CNOT2: variants seen among roughly 807,000 people sequenced by gnomAD.
The protein encoded by CNOT2 is CCR4-NOT transcription complex subunit 2, also known as CC chemokine receptor 4-negative regulator of transcription 2.
CNOT2 carries 7 observed loss-of-function variants against 72.1 expected under a neutral mutation model. The observed-to-expected ratio is 0.10, with a 90% CI of 0.06 to 0.18. The LOEUF (loss-of-function observed/expected upper bound fraction) is 0.18. CNOT2 is among the 10% of genes least tolerant of loss of function. The probability of loss-of-function intolerance (pLI) is 1.00; values close to 1 mark genes in which losing one functional copy is unlikely to be tolerated. For synonymous variants in CNOT2, 196 were observed against 225.6 expected (o/e 0.87, Z 1.17); for missense variants, 345 against 660.3 (o/e 0.52, Z 5.23).
intron 2 of CNOT2, among the ~76,000 whole-genome samples, chr12:70,304,758 C>T (rs1874894501): frequency 6.6e-6 from 1 of 152,258 alleles, no homozygotes; most frequent in East Asian, 1.9e-4. Flanking sequence ...TTTGTCTGTG[C>T]CCTGCCCCCA....
Position 70,346,110 on chromosome 12 carries a change from A to G in CNOT2, c.1392-70A>G, listed in dbSNP as rs56194123. ...TTTTTTTTTTCCGGAGGAAAGCTTT[A>G]CAAAATGTAGAACATGTTTGATGTA... On this transcript the variant is annotated intron_variant, in intron 14 of 15. Coordinates refer to ENST00000229195, the MANE Select transcript of CNOT2 (RefSeq NM_014515.7). 5.8e-3 allele frequency: 6,034 copies of G among 1,037,530 alleles called. 217 individuals are homozygous for G. In the African/African-American group the frequency reaches 0.084, roughly 14 times the overall value. 64.3% of individuals were successfully genotyped at this position (1,037,530 alleles called of 1,614,324 possible). A position where few individuals can be genotyped will look rare whatever the true frequency, so the allele number is the denominator to read the frequency against.
At chr12:70,334,084 ATTAAC>A (rs1880334687) in intron 7 of CNOT2, among the ~76,000 whole-genome samples, 1 of 151,992 alleles carries the variant, frequency 6.6e-6, no homozygotes, top group Non-Finnish European at 1.5e-5. Context: ...TTGGGGGTTT[ATTAAC>A]TTTATTAGGT....
chr12:70,264,824 A>T (rs1958943764), intron 1 of CNOT2, among the ~76,000 whole-genome samples: 2 of 152,142 alleles, frequency 1.3e-5, no homozygotes, highest in African/African-American at 4.8e-5. Flanking sequence ...TTCTATTGAG[A>T]TTTAGTAGAT....
intron 1 of CNOT2, among the ~76,000 whole-genome samples, chr12:70,267,595 C>G (rs953086839): frequency 1.3e-5 from 2 of 152,226 alleles, no homozygotes; most frequent in African/African-American, 4.8e-5. Flanking sequence ...CACTGCACTG[C>G]ACTTATATCA....
chr12:70,278,978 T>C (rs928857235), intron 2 of CNOT2, among the ~76,000 whole-genome samples: 8 of 152,212 alleles, frequency 5.3e-5, no homozygotes, highest in African/African-American at 1.7e-4. Flanking sequence ...AAAGGAAATA[T>C]CCTTTATTCA....
intron 1 of CNOT2, among the ~76,000 whole-genome samples, chr12:70,262,439 A>C (rs1037510873): frequency 6.6e-6 from 1 of 151,778 alleles, no homozygotes; most frequent in African/African-American, 2.4e-5. Context: ...ACACCCGGTC[A>C]ATTTTTTTGT....
intron 1 of CNOT2, among the ~76,000 whole-genome samples, chr12:70,258,788 G>A (rs1958585329): frequency 6.6e-6 from 1 of 152,222 alleles, no homozygotes; most frequent in Admixed American, 6.5e-5. Context: ...AGCCTGTGGT[G>A]AGGGAGCAAT....
chr12:70,251,984 TTA>T (rs1958161434), intron 1 of CNOT2, among the ~76,000 whole-genome samples: 1 of 152,188 alleles, frequency 6.6e-6, no homozygotes, highest in Non-Finnish European at 1.5e-5. Context: ...GTGCTGATAT[TTA>T]TGTTATGTTA....
chr12:70,288,034 C>T (rs12309057), intron 2 of CNOT2, among the ~76,000 whole-genome samples: 15,278 of 148,426 alleles, frequency 0.1, 1,567 homozygotes, highest in Admixed American at 0.19. Flanking sequence ...TATAAATTTT[C>T]AGAGCATTCC....
intron 15 of CNOT2, among the ~76,000 whole-genome samples, chr12:70,348,500 G>A (rs1333567183): frequency 6.6e-6 from 1 of 151,966 alleles, no homozygotes; most frequent in Non-Finnish European, 1.5e-5. Flanking sequence ...ATCTTTGGAA[G>A]AAGAAAAAAA....
At chr12:70,277,114 T>G (rs1461895053) in intron 1 of CNOT2, among the ~76,000 whole-genome samples, 1 of 152,092 alleles carries the variant, frequency 6.6e-6, no homozygotes, top group Non-Finnish European at 1.5e-5. Context: ...TTGTTGATAT[T>G]AAATAATAGC....
At chr12:70,346,884 C>CAA (rs1882238715) in intron 15 of CNOT2, among the ~76,000 whole-genome samples, 2 of 151,302 alleles carry the variant, frequency 1.3e-5, no homozygotes, top group South Asian at 4.2e-4. Context: ...CTCACTTAAA[C>CAA]GCCTTTCTAA....
chr12:70,328,690 T>G (rs1879459817), intron 4 of CNOT2, among the ~76,000 whole-genome samples: 1 of 151,402 alleles, frequency 6.6e-6, no homozygotes, highest in Non-Finnish European at 1.5e-5. Context: ...TTGTTTCGTA[T>G]GAGAATGATA....
chr12:70,319,424 A>C, intron 4 of CNOT2, 60 bp downstream of exon 4: 1 of 1,491,610 alleles, frequency 6.7e-7, no homozygotes, highest in Admixed American at 1.7e-5. Flanking sequence ...AGTAACTACC[A>C]AATAAAGAAC....
chr12:70,342,063 T>C (rs764719545), intron 11 of CNOT2, 44 bp from the exon 12 acceptor site: 5 of 1,165,860 alleles, frequency 4.3e-6, no homozygotes, highest in African/African-American at 3.0e-5. Context: ...ATTAGAAATC[T>C]CTTTTTCTGG....
At chr12:70,244,908 C>A (rs1343286200) in intron 1 of CNOT2, among the ~76,000 whole-genome samples, 1 of 151,970 alleles carries the variant, frequency 6.6e-6, no homozygotes, top group African/African-American at 2.4e-5. Flanking sequence ...TGTTGATTTC[C>A]CTTTTGAAGC....
At chr12:70,252,868 G>T (rs1958216069) in intron 1 of CNOT2, among the ~76,000 whole-genome samples, 1 of 152,180 alleles carries the variant, frequency 6.6e-6, no homozygotes, top group South Asian at 2.1e-4. Context: ...TTTTGTTCGT[G>T]TTCGTTTTGG....
At chr12:70,329,612 G>C in intron 5 of CNOT2, 42 bp downstream of exon 5, 1 of 1,463,396 alleles carries the variant, frequency 6.8e-7, no homozygotes. Context: ...AATGTATCTT[G>C]GTAGAGTAAA....
At chr12:70,329,332 TA>T (rs1879580206) in intron 4 of CNOT2, 90 bp from the exon 5 acceptor site, 6 of 981,994 alleles carry the variant, frequency 6.1e-6, no homozygotes, top group Non-Finnish European at 9.6e-6. Context: ...GTTAGGTCAT[TA>T]AAAGTGTCTT....
Sources: gnomAD v4.1 joint callset for allele counts (sites outside exome capture counted in the v4.1 genomes callset) on GRCh38, gnomAD v4.1.1 for gene constraint, MANE v1.5 for transcripts, NCBI Gene and HGNC (gene_info 2026-07-23, HGNC 2026-07-21) for gene names.